Variants in ZNF804B observed in about 807,000 individuals in gnomAD.
ZNF804B encodes zinc finger 804B.
A neutral mutation model predicts 101.4 loss-of-function variants in ZNF804B; 80 were observed. The ratio of observed to expected loss-of-function variants is 0.79; its 90% confidence interval spans 0.66 to 0.95. The LOEUF (loss-of-function observed/expected upper bound fraction) is 0.95. Ranked by LOEUF, ZNF804B falls within the 40% of genes least tolerant of loss-of-function variation. The probability of loss-of-function intolerance (pLI) is 0.00; values close to 1 mark genes in which losing one functional copy is unlikely to be tolerated. For missense variants in ZNF804B, 1,673 were observed against 1,561.9 expected, an observed-to-expected ratio of 1.07 and a Z score of -1.20; for synonymous variants, 622 against 558.8, an observed-to-expected ratio of 1.11 and a Z score of -1.59.
intron 2 of ZNF804B, among the ~76,000 whole-genome samples, chr7:89,257,485 AT>A (rs1584087420): frequency 6.6e-6 from 1 of 152,140 alleles, no homozygotes; most frequent in Non-Finnish European, 1.5e-5. Flanking sequence ...ATCATGTTGT[AT>A]TACATAATGT....
At chr7:88,915,661 TAGAC>T (rs773032920) in intron 1 of ZNF804B, among the ~76,000 whole-genome samples, 14 of 151,922 alleles carry the variant, frequency 9.2e-5, no homozygotes, top group African/African-American at 3.1e-4. Context: ...TTATTTTCAA[TAGAC>T]AGAACTTAGC....
intron 1 of ZNF804B, among the ~76,000 whole-genome samples, chr7:89,180,103 C>T (rs773545595): frequency 2.0e-5 from 3 of 152,096 alleles, no homozygotes; most frequent in African/African-American, 7.2e-5. Context: ...CCAGACTTGA[C>T]GTCAGCACAG....
At chr7:88,868,642 A>G (rs1791773015) in intron 1 of ZNF804B, among the ~76,000 whole-genome samples, 1 of 152,150 alleles carries the variant, frequency 6.6e-6, no homozygotes, top group South Asian at 2.1e-4. Context: ...GCCTTTATTG[A>G]TGTTTTCAGG....
intron 2 of ZNF804B, among the ~76,000 whole-genome samples, chr7:89,274,920 T>C (rs1420441376): frequency 6.6e-6 from 1 of 151,900 alleles, no homozygotes; most frequent in Non-Finnish European, 1.5e-5. Context: ...CATGGTGTCC[T>C]CTCACTTCTA....
intron 2 of ZNF804B, among the ~76,000 whole-genome samples, chr7:89,322,124 A>G (rs907859527): frequency 1.3e-5 from 2 of 152,240 alleles, no homozygotes; most frequent in African/African-American, 4.8e-5. Flanking sequence ...GCAGAATTTT[A>G]TATCTTTTCA....
chr7:89,162,131 C>G (rs554601676), intron 1 of ZNF804B, among the ~76,000 whole-genome samples: 1 of 151,840 alleles, frequency 6.6e-6, no homozygotes, highest in Non-Finnish European at 1.5e-5. Flanking sequence ...TTTTCAGGGG[C>G]GGGGGGAAGT....
intron 2 of ZNF804B, among the ~76,000 whole-genome samples, chr7:89,320,657 A>T (rs1323519918): frequency 6.6e-6 from 1 of 152,138 alleles, no homozygotes; most frequent in African/African-American, 2.4e-5. Context: ...ACAAAACTAC[A>T]GATTCCAGAA....
intron 1 of ZNF804B, among the ~76,000 whole-genome samples, chr7:89,212,252 T>C (rs1011510544): frequency 4.6e-5 from 4 of 87,174 alleles, no homozygotes; most frequent in African/African-American, 1.4e-4. Context: ...CATTCAGTGA[T>C]ACACACACAC....
At chr7:89,256,512 G>A (rs1214494886) in intron 2 of ZNF804B, among the ~76,000 whole-genome samples, 3 of 145,982 alleles carry the variant, frequency 2.1e-5, no homozygotes, top group Non-Finnish European at 4.5e-5. Flanking sequence ...GCCGCTGTAT[G>A]CCAGCCTAGG....
intron 1 of ZNF804B, among the ~76,000 whole-genome samples, chr7:89,025,056 T>C (rs1169940054): frequency 2.0e-5 from 3 of 152,094 alleles, no homozygotes; most frequent in African/African-American, 7.2e-5. Flanking sequence ...ACTCCTCTTC[T>C]AAAGTCTTTC....
intron 1 of ZNF804B, among the ~76,000 whole-genome samples, chr7:89,028,794 G>A (rs943652247): frequency 6.6e-6 from 1 of 151,910 alleles, no homozygotes; most frequent in Admixed American, 6.6e-5. Context: ...TATTTCATAG[G>A]GTTGTTTTGT....
At chr7:89,037,475 T>C (rs938104165) in intron 1 of ZNF804B, among the ~76,000 whole-genome samples, 1 of 151,890 alleles carries the variant, frequency 6.6e-6, no homozygotes, top group African/African-American at 2.4e-5. Context: ...GTATTAGTTA[T>C]ATATGTATAT....
intron 1 of ZNF804B, among the ~76,000 whole-genome samples, chr7:88,776,993 A>T (rs562012725): frequency 6.6e-6 from 1 of 152,292 alleles, no homozygotes; most frequent in East Asian, 1.9e-4. Context: ...AATTGCAGGA[A>T]GTCACTATTG....
At chr7:89,278,123 T>C (rs1403955932) in intron 2 of ZNF804B, among the ~76,000 whole-genome samples, 1 of 152,264 alleles carries the variant, frequency 6.6e-6, no homozygotes, top group Non-Finnish European at 1.5e-5. Context: ...TTTTTTCATA[T>C]GTTTCTTGGC....
chr7:89,250,300 T>C lies in ZNF804B; in HGVS notation c.249+32005T>C, dbSNP rs543746451. Among the ~76,000 whole-genome samples, 3 of 152,210 alleles carry C rather than the reference T, an allele frequency of 2.0e-5. No homozygotes were observed. In the South Asian group the frequency reaches 6.2e-4, roughly 32 times the overall value. On this transcript the variant is annotated intron_variant, in intron 2 of 3. Transcript: ENST00000333190. ...TACCAAAGACCCTCAGATATTGTTA[T>C]GAACACTCCCATACACACAAATTAG...
chr7:88,971,820 G>A (rs1424895757), intron 1 of ZNF804B, among the ~76,000 whole-genome samples: 2 of 151,500 alleles, frequency 1.3e-5, no homozygotes, highest in Non-Finnish European at 3.0e-5. Context: ...AGCAGAATGT[G>A]CATTCACTCT....
chr7:89,211,829 T>C (rs1187397511), intron 1 of ZNF804B, among the ~76,000 whole-genome samples: 1 of 152,214 alleles, frequency 6.6e-6, no homozygotes, highest in East Asian at 1.9e-4. Flanking sequence ...CTACACAAGC[T>C]CTTTTTTGAA....
At chr7:89,275,688 A>T (rs1789969770) in intron 2 of ZNF804B, among the ~76,000 whole-genome samples, 1 of 151,864 alleles carries the variant, frequency 6.6e-6, no homozygotes, top group Non-Finnish European at 1.5e-5. Context: ...TTTCTTTGCC[A>T]TTTCACATTT....
chr7:88,842,230 T>C (rs184560683), intron 1 of ZNF804B, among the ~76,000 whole-genome samples: 4 of 152,304 alleles, frequency 2.6e-5, no homozygotes, highest in Admixed American at 2.6e-4. Context: ...TATTTTGTTA[T>C]GTCCTCATCA....
Sources: gnomAD v4.1 joint callset for allele counts (sites outside exome capture counted in the v4.1 genomes callset) on GRCh38, gnomAD v4.1.1 for gene constraint, MANE v1.5 for transcripts, NCBI Gene and HGNC (gene_info 2026-07-23, HGNC 2026-07-21) for gene names.